HSD17B2: variants seen among roughly 807,000 people sequenced by gnomAD.
HSD17B2 encodes hydroxysteroid 17-beta dehydrogenase 2, also known as 17-beta-hydroxysteroid dehydrogenase type 2.
Under a neutral mutation model 26.9 loss-of-function variants are expected in HSD17B2, and 32 were observed. The ratio of observed to expected loss-of-function variants is 1.19; its 90% CI spans 0.90 to 1.60. The LOEUF is 1.60. HSD17B2 is among the 40% of genes most tolerant of loss of function. The pLI, the probability that HSD17B2 is intolerant of heterozygous loss-of-function variation, is 0.00. For missense variants in HSD17B2, 613 were observed against 468.6 expected (o/e 1.31, Z -2.85); for synonymous variants, 246 against 186.7 (o/e 1.32, Z -2.59).
intron 1 of HSD17B2, among the ~76,000 whole-genome samples, chr16:82,053,697 G>C (rs1226023080): frequency 2.0e-5 from 3 of 152,128 alleles, no homozygotes; most frequent in African/African-American, 7.2e-5. Flanking sequence ...GGTTGTGGCT[G>C]ACCTCTAAAG....
intron 1 of HSD17B2, among the ~76,000 whole-genome samples, chr16:82,057,114 T>C (rs1037728926): frequency 2.0e-5 from 3 of 152,072 alleles, no homozygotes; most frequent in Admixed American, 1.3e-4. Flanking sequence ...GGAGAAGAGA[T>C]AAATCTCCTG....
At chr16:82,060,286 GA>G (rs1398684536) in intron 1 of HSD17B2, among the ~76,000 whole-genome samples, 1 of 152,200 alleles carries the variant, frequency 6.6e-6, no homozygotes, top group East Asian at 1.9e-4. Flanking sequence ...TTGTAAGTGG[GA>G]AACTGTAGGT....
intron 1 of HSD17B2, among the ~76,000 whole-genome samples, chr16:82,067,062 C>T (rs1238146510): frequency 6.6e-6 from 1 of 152,182 alleles, no homozygotes; most frequent in Non-Finnish European, 1.5e-5. Flanking sequence ...TGTATGTGAA[C>T]ACCTGCCCTC....
At chr16:82,038,648 C>T (rs1485304239) in intron 1 of HSD17B2, among the ~76,000 whole-genome samples, 2 of 152,208 alleles carry the variant, frequency 1.3e-5, no homozygotes, top group Non-Finnish European at 2.9e-5. Context: ...ACTTTGAAGA[C>T]ACACAGGCTT....
intron 3 of HSD17B2, among the ~76,000 whole-genome samples, chr16:82,082,815 C>T (rs551463962): frequency 6.6e-6 from 1 of 152,128 alleles, no homozygotes; most frequent in Non-Finnish European, 1.5e-5. Context: ...GTTGAATGCT[C>T]TCAGGTATAT....
intron 1 of HSD17B2, among the ~76,000 whole-genome samples, chr16:82,060,982 C>T (rs891185503): frequency 1.3e-5 from 2 of 152,066 alleles, no homozygotes; most frequent in Non-Finnish European, 2.9e-5. Flanking sequence ...ATTTATGGGC[C>T]AGGCGTGGCG....
chr16:82,093,780 T>C (rs1163978332), intron 4 of HSD17B2: 1 of 152,236 alleles, frequency 6.6e-6, no homozygotes, highest in African/African-American at 2.4e-5. Flanking sequence ...AGCAGCAGCA[T>C]GGACTGCTTG....
chr16:82,089,541 C>G (rs1904622986), intron 3 of HSD17B2, among the ~76,000 whole-genome samples: 1 of 152,186 alleles, frequency 6.6e-6, no homozygotes, highest in Admixed American at 6.5e-5. Flanking sequence ...AATTCATATT[C>G]TGGGGCTGCT....
intron 1 of HSD17B2, among the ~76,000 whole-genome samples, chr16:82,045,310 C>T (rs547192462): frequency 6.6e-6 from 1 of 151,910 alleles, no homozygotes; most frequent in Non-Finnish European, 1.5e-5. Context: ...CTTAAGCTTC[C>T]CTCTTAAGAT....
At chr16:82,088,935 G>A (rs919109741) in intron 3 of HSD17B2, among the ~76,000 whole-genome samples, 1 of 152,262 alleles carries the variant, frequency 6.6e-6, no homozygotes, top group Middle Eastern at 3.4e-3. Flanking sequence ...TAAATTACTA[G>A]CTCACCAATT....
chr16:82,095,799 T>C (rs1264688505), intron 4 of HSD17B2: 1 of 152,172 alleles, frequency 6.6e-6, no homozygotes, highest in Admixed American at 6.5e-5. Flanking sequence ...CCAAAACAAA[T>C]TCATGGAAAA....
intron 1 of HSD17B2, among the ~76,000 whole-genome samples, chr16:82,059,076 T>C (rs1480684322): frequency 1.3e-5 from 2 of 152,244 alleles, no homozygotes; most frequent in Non-Finnish European, 2.9e-5. Flanking sequence ...TTCTCTTTCC[T>C]GCCTGTATTA....
chr16:82,039,359 G>T (rs1913709051), intron 1 of HSD17B2, among the ~76,000 whole-genome samples: 1 of 151,996 alleles, frequency 6.6e-6, no homozygotes, highest in African/African-American at 2.4e-5. Flanking sequence ...GAGGGAGAGA[G>T]AGAGAGAGAG....
At position 82,071,367 on chromosome 16, in the gene HSD17B2, T is replaced by A. The variant is rs118080092; in HGVS notation, c.664+240T>A. ...CCATTTGTTACTGGGGATTTAGGGT[T>A]CTTATATGTCTTTATAATGTGACTG... is the stretch of plus-strand genomic sequence containing the variant. On this transcript the variant is annotated intron_variant, in intron 3 of 4. Transcript: ENST00000199936. 397 of 559,730 alleles carry A rather than the reference T, an allele frequency of 7.1e-4. 4 individuals are homozygous for A. In the East Asian group the frequency reaches 0.01, roughly 15 times the overall value. The allele number at this position is 559,730 out of a possible 1,614,324, so 34.7% of individuals were successfully genotyped here. A position where few individuals can be genotyped will look rare whatever the true frequency, so the allele number is the denominator to read the frequency against.
intron 4 of HSD17B2, chr16:82,095,218 A>C (rs1460594894): frequency 2.6e-5 from 4 of 152,254 alleles, no homozygotes; most frequent in Admixed American, 2.6e-4. Flanking sequence ...ATAGTAGCTC[A>C]CGAAAACATG....
chr16:82,049,607 C>G (rs1481644712), intron 1 of HSD17B2, among the ~76,000 whole-genome samples: 2 of 152,156 alleles, frequency 1.3e-5, no homozygotes, highest in Non-Finnish European at 2.9e-5. Flanking sequence ...TTCTGGCTCC[C>G]AAAGAATGAA....
chr16:82,072,366 G>A (rs571815885), intron 3 of HSD17B2, among the ~76,000 whole-genome samples: 1 of 152,326 alleles, frequency 6.6e-6, no homozygotes, highest in South Asian at 2.1e-4. Context: ...AAAACACACA[G>A]CAATATTTTC....
intron 2 of HSD17B2, among the ~76,000 whole-genome samples, chr16:82,069,577 C>G (rs183783169): frequency 4.4e-4 from 67 of 152,322 alleles, no homozygotes; most frequent in Non-Finnish European, 7.8e-4. Context: ...CTGGATGAAA[C>G]TTTGCCTCTG....
chr16:82,086,714 G>A (rs897768798), intron 3 of HSD17B2, among the ~76,000 whole-genome samples: 1 of 152,190 alleles, frequency 6.6e-6, no homozygotes, highest in African/African-American at 2.4e-5. Context: ...ATTAAGGCAG[G>A]TCTTGTTGTT....
Sources: allele counts gnomAD v4.1 joint callset (sites outside exome capture counted in the v4.1 genomes callset), GRCh38; gene constraint gnomAD v4.1.1; transcripts MANE v1.5; gene names NCBI Gene and HGNC (gene_info 2026-07-23, HGNC 2026-07-21).